C6: variants seen among roughly 807,000 people sequenced by gnomAD.
C6 encodes the protein complement component C6.
A neutral mutation model predicts 112.9 loss-of-function variants in C6; 101 were observed. The ratio of observed to expected loss-of-function variants is 0.89; its 90% CI spans 0.76 to 1.06. The LOEUF is 1.06. Ranked by LOEUF, C6 falls within the 50% of genes least tolerant of loss-of-function variation. The pLI is 0.00. For synonymous variants in C6, 431 were observed against 384.1 expected (o/e 1.12, Z -1.43); for missense variants, 1,202 against 1,104.6 (o/e 1.09, Z -1.25).
At chr5:41,249,446 C>T (rs746561890) in intron 1 of C6, among the ~76,000 whole-genome samples, 4 of 152,076 alleles carry the variant, frequency 2.6e-5, no homozygotes, top group Non-Finnish European at 4.4e-5. Flanking sequence ...GTATTTGCTC[C>T]TATAGATATC....
rs73750287 is a variant in C6 at position 41,142,188 on chromosome 5, C to G, written c.*637G>C. 0.038 allele frequency: 5,749 copies of G among 153,306 alleles called. 368 individuals carry two copies. Among genetic ancestry groups the G allele is most frequent in the African/African-American group, 0.13 (5,394 of 41,520 alleles). 9.5% of individuals were successfully genotyped at this position (153,306 alleles called of 1,614,324 possible). A position where few individuals can be genotyped will look rare whatever the true frequency, so the allele number is the denominator to read the frequency against. ...GATGATAATTAAGGATGGGACTCAC[C>G]CTTCCGTGTTGTATTTTCTCCAAAA... On this transcript the variant is annotated 3_prime_UTR_variant, in exon 18 of 18. Coordinates refer to ENST00000337836, the MANE Select transcript of C6 (RefSeq NM_000065.5).
chr5:41,157,285 G>A (rs1747006622), intron 13 of C6, among the ~76,000 whole-genome samples: 1 of 152,170 alleles, frequency 6.6e-6, no homozygotes, highest in African/African-American at 2.4e-5. Context: ...GCCTTCGTGT[G>A]TTTTAAAAAT....
At chr5:41,197,025 G>A (rs1301386735) in intron 4 of C6, among the ~76,000 whole-genome samples, 1 of 152,058 alleles carries the variant, frequency 6.6e-6, no homozygotes, top group Non-Finnish European at 1.5e-5. Context: ...GAGATTATCT[G>A]GTTGATTATT....
chr5:41,251,262 G>C (rs1741343526), intron 1 of C6, among the ~76,000 whole-genome samples: 2 of 152,142 alleles, frequency 1.3e-5, no homozygotes, highest in Non-Finnish European at 2.9e-5. Context: ...TTAAGAAAAG[G>C]TTGAGTAGTC....
At chr5:41,174,491 A>AG (rs1478985922) in intron 8 of C6, among the ~76,000 whole-genome samples, 15 of 152,316 alleles carry the variant, frequency 9.8e-5, no homozygotes, top group African/African-American at 3.4e-4. Flanking sequence ...CAATAAAAGG[A>AG]GTTTAAAATT....
chr5:41,185,677 AG>A, intron 6 of C6, among the ~76,000 whole-genome samples: 1 of 152,302 alleles, frequency 6.6e-6, no homozygotes, highest in Non-Finnish European at 1.5e-5. Flanking sequence ...TTAAAAAAAA[AG>A]TCTATTTTTT....
At chr5:41,200,888 G>GTTTTT (rs1750967031) in intron 3 of C6, among the ~76,000 whole-genome samples, 4 of 66,804 alleles carry the variant, frequency 6.0e-5, no homozygotes, top group East Asian at 5.7e-4. Flanking sequence ...TGTTGTTGTT[G>GTTTTT]TTGTTTTTTT....
intron 1 of C6, among the ~76,000 whole-genome samples, chr5:41,234,039 T>G (rs1182358829): frequency 6.6e-6 from 1 of 152,124 alleles, no homozygotes; most frequent in Non-Finnish European, 1.5e-5. Flanking sequence ...GATACATAGA[T>G]GAGTGAACTT....
chr5:41,193,490 C>G (rs1397333917), intron 5 of C6, among the ~76,000 whole-genome samples: 1 of 152,112 alleles, frequency 6.6e-6, no homozygotes, highest in African/African-American at 2.4e-5. Flanking sequence ...TTGAATATAA[C>G]TAGAAATATA....
At chr5:41,220,368 G>C (rs1326222991) in intron 1 of C6, among the ~76,000 whole-genome samples, 1 of 152,104 alleles carries the variant, frequency 6.6e-6, no homozygotes, top group Non-Finnish European at 1.5e-5. Context: ...TGGTAGAAGA[G>C]GAATTTGAGG....
chr5:41,143,725 T>C (rs1341425357), intron 17 of C6, among the ~76,000 whole-genome samples: 4 of 152,222 alleles, frequency 2.6e-5, no homozygotes, highest in African/African-American at 9.6e-5. Flanking sequence ...CTGAGCTCTT[T>C]AACATAACTC....
At chr5:41,192,590 T>C (rs1157841295) in intron 5 of C6, among the ~76,000 whole-genome samples, 1 of 151,944 alleles carries the variant, frequency 6.6e-6, no homozygotes, top group Non-Finnish European at 1.5e-5. Context: ...TCTTCTTGAT[T>C]CAATCTTGGT....
chr5:41,162,629 C>T (rs962846010), intron 9 of C6, among the ~76,000 whole-genome samples: 5 of 152,072 alleles, frequency 3.3e-5, no homozygotes, highest in Admixed American at 6.6e-5. Flanking sequence ...GAAATAGTAG[C>T]AAATAAAAAG....
At chr5:41,196,586 T>C (rs1401307549) in intron 4 of C6, among the ~76,000 whole-genome samples, 2 of 151,756 alleles carry the variant, frequency 1.3e-5, no homozygotes, top group Non-Finnish European at 2.9e-5. Context: ...GAAAGCAAAA[T>C]TGCACACTTA....
Position 41,233,307 on chromosome 5 carries a change from G to A in C6, c.-21+27887C>T, listed in dbSNP as rs76890846. On this transcript the variant is annotated intron_variant, in intron 1 of 17. Transcript: ENST00000263413. ...TCTTCATGGATCTTGTGGCACAAAA[G>A]ATATGGGATATGAAATGGATAAACA... is the stretch of plus-strand genomic sequence containing the variant. 1.6e-3 allele frequency among the ~76,000 whole-genome samples: 239 copies of A among 152,150 alleles called. 14 individuals are homozygous for A. The East Asian group carries it at 0.044, about 28-fold the overall frequency.
intron 1 of C6, among the ~76,000 whole-genome samples, chr5:41,232,022 A>G (rs1165020772): frequency 6.6e-6 from 1 of 151,864 alleles, no homozygotes; most frequent in Non-Finnish European, 1.5e-5. Context: ...TTCAGGTTTT[A>G]CCTTTTAAGA....
At position 41,176,541 on chromosome 5, in the gene C6, AG is replaced by A; in HGVS notation, c.1101del (p.Ser368LeufsTer19). 6.2e-7 allele frequency: 1 copy of A among 1,613,886 alleles called. No homozygotes were observed. Among genetic ancestry groups the A allele is most frequent in the Non-Finnish European group, 8.5e-7 (1 of 1,179,864 alleles). ...TCATACACGCCTCCCAGGGAGCCAG[AG>A]GTGAAGTAATGAGTCCCAAAGTCAT... is the stretch of plus-strand genomic sequence containing the variant. ...IFDDFGTHYFTSGSLGGVYDL... is the reference protein window; with the variant it reads ...IFDDFGTHYFXSGSLGGVYDL... On this transcript the variant is annotated frameshift_variant, in exon 8 of 18. Transcript: ENST00000337836. LOFTEE classifies it high-confidence loss of function.
In C6 at chr5:41,160,293, C is replaced by A; in HGVS notation, c.1533G>T (p.Leu511Phe). Residue 511 changes from leucine to phenylalanine, a missense_variant, in exon 11 of 18, where the codon TTG (leucine) becomes TTT (phenylalanine). Transcript: ENST00000337836. The part of the protein sequence containing the change: ...VTKRNNLRKA[L>F]QEYAAKFDPC... ...GATCGAACTTGGCTGCATACTCTTG[C>A]AAAGCTTTCCTGAGGTTGTTCCGTT... is the stretch of plus-strand genomic sequence containing the variant. The A allele has an allele frequency of 6.2e-7, 1 of 1,613,878 alleles. No individual in the cohort carries two copies. Among genetic ancestry groups the A allele is most frequent in the South Asian group, 1.1e-5 (1 of 91,084 alleles).
intron 1 of C6, among the ~76,000 whole-genome samples, chr5:41,239,601 C>CCCA (rs1374195166): frequency 1.3e-5 from 2 of 151,996 alleles, no homozygotes; most frequent in African/African-American, 4.8e-5. Flanking sequence ...TTCCCCATCC[C>CCCA]CCACCCCTCA....
Sources: gnomAD v4.1 joint callset for allele counts (sites outside exome capture counted in the v4.1 genomes callset) on GRCh38, gnomAD v4.1.1 for gene constraint, MANE v1.5 for transcripts, NCBI Gene and HGNC (gene_info 2026-07-23, HGNC 2026-07-21) for gene names.